Variants in HTR4 observed in about 807,000 individuals in gnomAD.
HTR4 encodes 5-hydroxytryptamine receptor 4.
A neutral mutation model predicts 36.8 loss-of-function variants in HTR4; 16 were observed. That is an observed-to-expected ratio of 0.43 (90% CI 0.29 to 0.66). HTR4 has a LOEUF of 0.66. HTR4 is among the 30% of genes least tolerant of loss of function. The probability of loss-of-function intolerance (pLI) is 0.13; values close to 1 mark genes in which losing one functional copy is unlikely to be tolerated. For missense variants in HTR4, 438 were observed against 490.9 expected, an observed-to-expected ratio of 0.89 and a Z score of 1.02; for synonymous variants, 189 against 185.1, an observed-to-expected ratio of 1.02 and a Z score of -0.17.
chr5:148,521,281 G>T (rs1758002148), intron 5 of HTR4, among the ~76,000 whole-genome samples: 1 of 152,132 alleles, frequency 6.6e-6, no homozygotes, highest in Non-Finnish European at 1.5e-5. Flanking sequence ...CCAGGCATGG[G>T]GTACCTACAC....
At chr5:148,643,011 T>C (rs1289071200) in intron 1 of HTR4, among the ~76,000 whole-genome samples, 6 of 152,142 alleles carry the variant, frequency 3.9e-5, no homozygotes, top group African/African-American at 1.2e-4. Context: ...TTAGCACTGG[T>C]AGTAAAAATG....
chr5:148,615,671 A>G (rs1294767664), intron 2 of HTR4, among the ~76,000 whole-genome samples: 1 of 151,404 alleles, frequency 6.6e-6, no homozygotes, highest in East Asian at 1.9e-4. Flanking sequence ...CCTAAAACTT[A>G]AAGTATAATA....
chr5:148,600,005 A>G (rs913855840), intron 2 of HTR4, among the ~76,000 whole-genome samples: 2 of 151,676 alleles, frequency 1.3e-5, no homozygotes, highest in African/African-American at 4.8e-5. Context: ...ACAAATCAAT[A>G]AAGGAGAAAA....
intron 2 of HTR4, among the ~76,000 whole-genome samples, chr5:148,559,568 C>A (rs565967803): frequency 1.3e-5 from 2 of 152,048 alleles, no homozygotes; most frequent in South Asian, 4.2e-4. Context: ...GCACTCTTTC[C>A]CCCTAGGTTT....
rs142238911 is a variant in HTR4 at position 148,551,802 on chromosome 5, G to C, written c.27-1540C>G. Among the ~76,000 whole-genome samples the C allele has an allele frequency of 4.3e-3, 660 of 152,194 alleles. 8 individuals carry two copies. The highest frequency in any genetic ancestry group is 0.015 in the African/African-American group (629 of 41,524). ...ATGTGTTAAGAAAGTTTATAAATTG[G>C]GTTGGGCTGCATTAAAAGCTGTCCT... is the stretch of plus-strand genomic sequence containing the variant. On this transcript the variant is annotated intron_variant, in intron 2 of 6. Coordinates refer to ENST00000377888, the MANE Select transcript of HTR4 (RefSeq NM_000870.7).
At chr5:148,460,114 A>AG (rs1313480952) in intron 5 of HTR4, among the ~76,000 whole-genome samples, 4 of 152,024 alleles carry the variant, frequency 2.6e-5, no homozygotes, top group Non-Finnish European at 4.4e-5. Flanking sequence ...AAAAAAAGAC[A>AG]GAAAAAAAAT....
intron 6 of HTR4, among the ~76,000 whole-genome samples, chr5:148,503,663 C>T (rs1036900740): frequency 9.9e-5 from 15 of 152,046 alleles, no homozygotes; most frequent in East Asian, 3.9e-4. Context: ...AAATGTAAAT[C>T]GGCTAAATGC....
chr5:148,581,791 T>C lies in HTR4; in HGVS notation c.27-31529A>G, dbSNP rs910660797. ...ATTTTGGTAGCTCCAGCTTTGTTCT[T>C]ACTATTCAAAATTGTCTTGACTATT... On this transcript the variant is annotated intron_variant, in intron 2 of 6. Coordinates refer to ENST00000377888, the MANE Select transcript of HTR4 (RefSeq NM_000870.7). Among the ~76,000 whole-genome samples the C allele has an allele frequency of 9.9e-5, 15 of 152,234 alleles. No individual in the cohort carries two copies. In the East Asian group the frequency reaches 2.1e-3, roughly 22 times the overall value.
chr5:148,630,615 T>C (rs1753289110), intron 2 of HTR4, among the ~76,000 whole-genome samples: 1 of 152,158 alleles, frequency 6.6e-6, no homozygotes, highest in Non-Finnish European at 1.5e-5. Flanking sequence ...AGTAGATGGA[T>C]ACTAAATTGA....
At chr5:148,604,038 A>G (rs766935001) in intron 2 of HTR4, among the ~76,000 whole-genome samples, 2 of 152,160 alleles carry the variant, frequency 1.3e-5, no homozygotes, top group Non-Finnish European at 2.9e-5. Context: ...CAAATGAATC[A>G]TAAATCTAAA....
intron 2 of HTR4, among the ~76,000 whole-genome samples, chr5:148,599,367 G>C (rs1353723836): frequency 2.0e-5 from 3 of 152,048 alleles, no homozygotes; most frequent in Non-Finnish European, 4.4e-5. Context: ...AATGTAAATA[G>C]AAAATTTTAA....
rs1175548487 is a variant in HTR4, at chr5:148,481,620, A to G, written c.*1583T>C. The stretch of plus-strand genomic sequence containing the variant: ...TCCAAAGTTTCTTCCTGTCGGTTTC[A>G]GTTCCAGAACTAAAGTAAACAACAA... On this transcript the variant is annotated 3_prime_UTR_variant, in exon 7 of 7. Transcript: ENST00000377888. 10 of 1,509,236 alleles carry G rather than the reference A, an allele frequency of 6.6e-6. No homozygotes were observed. Among genetic ancestry groups the G allele is most frequent in the Non-Finnish European group, 6.1e-6 (7 of 1,140,476 alleles). 93.5% of individuals were successfully genotyped at this position (1,509,236 alleles called of 1,614,324 possible).
At chr5:148,462,356 C>T (rs900739121) in intron 5 of HTR4, among the ~76,000 whole-genome samples, 1 of 151,944 alleles carries the variant, frequency 6.6e-6, no homozygotes, top group Admixed American at 6.6e-5. Context: ...ACACCATGGG[C>T]ATTAAAGGGA....
chr5:148,536,041 C>T (rs1240222075), intron 4 of HTR4, among the ~76,000 whole-genome samples: 1 of 152,150 alleles, frequency 6.6e-6, no homozygotes, highest in African/African-American at 2.4e-5. Context: ...GCAGACTTCT[C>T]ACCTGAAACC....
At chr5:148,479,381 T>A (rs1351720132), downstream of HTR4, among the ~76,000 whole-genome samples, 1 of 152,064 alleles carries the variant, frequency 6.6e-6, no homozygotes, top group Non-Finnish European at 1.5e-5. Context: ...TCCACAAGAC[T>A]GAGGCATGGG....
chr5:148,546,246 G>GT (rs1380064660), intron 4 of HTR4, among the ~76,000 whole-genome samples: 1 of 152,154 alleles, frequency 6.6e-6, no homozygotes, highest in African/African-American at 2.4e-5. Flanking sequence ...ATGGAATATT[G>GT]TGACAAGCTG....
At chr5:148,532,153 G>A (rs6865878) in intron 4 of HTR4, among the ~76,000 whole-genome samples, 2 of 152,248 alleles carry the variant, frequency 1.3e-5, no homozygotes, top group Admixed American at 6.5e-5. Flanking sequence ...CACAAGGACA[G>A]CACTATGTTC....
intron 6 of HTR4, among the ~76,000 whole-genome samples, chr5:148,486,968 T>G (rs908419983): frequency 6.6e-6 from 1 of 152,212 alleles, no homozygotes; most frequent in Non-Finnish European, 1.5e-5. Flanking sequence ...GCAGAGCCAC[T>G]CAAAATCCCT....
chr5:148,476,902 G>T (rs534354044), downstream of HTR4, among the ~76,000 whole-genome samples: 11 of 152,212 alleles, frequency 7.2e-5, no homozygotes, highest in African/African-American at 2.2e-4. Flanking sequence ...GTAGGAGGTG[G>T]TATTTGAAAT....
Sources: allele counts gnomAD v4.1 joint callset (sites outside exome capture counted in the v4.1 genomes callset), GRCh38; gene constraint gnomAD v4.1.1; transcripts MANE v1.5; gene names NCBI Gene and HGNC (gene_info 2026-07-23, HGNC 2026-07-21).